Variants in SLC6A19 observed in about 807,000 individuals in gnomAD.
SLC6A19 encodes the protein sodium-dependent neutral amino acid transporter B(0)AT1.
SLC6A19 carries 67 observed loss-of-function variants against 68.3 expected under a neutral mutation model. The observed-to-expected ratio is 0.98, with a 90% CI of 0.81 to 1.20. The LOEUF is 1.20. Ranked by LOEUF, SLC6A19 falls within the 50% of genes most tolerant of loss-of-function variation. The pLI, the probability that SLC6A19 is intolerant of heterozygous loss-of-function variation, is 0.00. For synonymous variants in SLC6A19, 392 were observed against 374.9 expected (o/e 1.05, Z -0.53); for missense variants, 813 against 851.6 (o/e 0.95, Z 0.56).
chr5:1,215,436 A>G lies in SLC6A19; in HGVS notation c.888-1122A>G, dbSNP rs1008225968. ...CCCTGTCCTCCTGCCCCGGGTGAGCACTGATGCGCTCTCTGCCTCTGTGGC... is the reference window on the plus strand; with the variant it reads ...CCCTGTCCTCCTGCCCCGGGTGAGCGCTGATGCGCTCTCTGCCTCTGTGGC... On this transcript the variant is annotated intron_variant, in intron 6 of 11. Transcript: ENST00000304460. The surrounding 1 kb of genome is among the most constrained non-coding windows in gnomAD (Gnocchi z 5.1). Among the ~76,000 whole-genome samples the G allele has an allele frequency of 2.0e-5, 3 of 152,196 alleles. No individual in the cohort carries two copies. The highest frequency in any genetic ancestry group is 4.4e-5 in the Non-Finnish European group (3 of 68,028).
In SLC6A19 at chr5:1,213,658, A is replaced by G. The variant is rs562230973; in HGVS notation, c.774+85A>G. ...CCCGCCAGCCTCAATACCAGCTCTC[A>G]CCCACGGGGACAGGCAGCCTGCTGC... On this transcript the variant is annotated intron_variant, in intron 5 of 11. Transcript: ENST00000304460. 3.8e-6 allele frequency: 5 copies of G among 1,321,074 alleles called. No homozygotes were observed. In the South Asian group the frequency reaches 6.2e-5, roughly 16 times the overall value. The allele number at this position is 1,321,074 out of a possible 1,614,324, so 81.8% of individuals were successfully genotyped here.
At chr5:1,219,170 G>T (rs1394116573) in intron 9 of SLC6A19, 63 bp downstream of exon 9, 5 of 1,516,706 alleles carry the variant, frequency 3.3e-6, no homozygotes, top group Non-Finnish European at 4.5e-6. Context: ...GGCAGCCCCC[G>T]GCTGTGTGAA....
At position 1,201,779 on chromosome 5, in the gene SLC6A19, C is replaced by A. The variant is rs748780849; in HGVS notation, c.129C>A (p.Leu43=). ...PKWDNKAQYM[L]TCLGFCVGLG... is the part of the protein sequence containing the mutation. ...GGGACAACAAGGCGCAGTACATGCT[C>A]ACCTGCCTGGGCTTCTGCGTGGGCC... The change falls in exon 1 of 12, where the codon CTC becomes CTA. Residue 43 remains leucine (L), a synonymous_variant. Transcript: ENST00000304460. 1 of 1,612,820 alleles carries A rather than the reference C, an allele frequency of 6.2e-7. No homozygotes were observed. The highest frequency in any genetic ancestry group is 8.5e-7 in the Non-Finnish European group (1 of 1,179,904).
Position 1,209,035 on chromosome 5 carries a change from A to T in SLC6A19, c.343+149A>T, listed in dbSNP as rs1745940289. The T allele has an allele frequency of 1.8e-6, 2 of 1,098,634 alleles. No individual in the cohort carries two copies. Among genetic ancestry groups the T allele is most frequent in the African/African-American group, 1.9e-5 (1 of 53,002 alleles). 68.1% of individuals were successfully genotyped at this position (1,098,634 alleles called of 1,614,324 possible). A position where few individuals can be genotyped will look rare whatever the true frequency, so the allele number is the denominator to read the frequency against. The stretch of plus-strand genomic sequence containing the variant: ...CTGGTGCAACAAAGGTCCCAGCTTC[A>T]TCTCCTGGAGGCCTTTGGAAACTCC... On this transcript the variant is annotated intron_variant, in intron 2 of 11. Transcript: ENST00000304460. This position sits in a 1 kb window ranked among gnomAD's most constrained non-coding sequence, Gnocchi z 5.5.
chr5:1,215,691 G>C lies in SLC6A19; in HGVS notation c.888-867G>C, dbSNP rs536950712. On this transcript the variant is annotated intron_variant, in intron 6 of 11. Coordinates refer to ENST00000304460, the MANE Select transcript of SLC6A19 (RefSeq NM_001003841.3). This position sits in a 1 kb window ranked among gnomAD's most constrained non-coding sequence, Gnocchi z 5.1. The stretch of plus-strand genomic sequence containing the variant: ...TTTGGCTGTCATGAGTCATGCTGAC[G>C]TGAGCCTGTGTGTACGCGTTTTTGT... Among the ~76,000 whole-genome samples, 1 of 152,220 alleles carries C rather than the reference G, an allele frequency of 6.6e-6. No individual in the cohort carries two copies. The highest frequency in any genetic ancestry group is 2.1e-4 in the South Asian group (1 of 4,828).
At chr5:1,210,641 C>T (rs1179773493) in intron 3 of SLC6A19, 60 bp downstream of exon 3, 5 of 1,603,774 alleles carry the variant, frequency 3.1e-6, no homozygotes, top group Non-Finnish European at 4.2e-6. Flanking sequence ...TCTCTCATAG[C>T]AGGCACATGG....
chr5:1,218,050 T>A (rs1192714319), intron 8 of SLC6A19, among the ~76,000 whole-genome samples: 1 of 142,220 alleles, frequency 7.0e-6, no homozygotes, highest in African/African-American at 2.6e-5. Context: ...TCCTCCCGCC[T>A]CCTCCCACCT....
Position 1,212,560 on chromosome 5 carries a change from C to G in SLC6A19, c.663+76C>G. The stretch of plus-strand genomic sequence containing the variant: ...GCAGCCCTGCCTCCGGCCGGCTGCA[C>G]TCTAAAACCCAGGTCTGGGGGTCCC... On this transcript the variant is annotated intron_variant, in intron 4 of 11. Transcript: ENST00000304460. This position sits in a 1 kb window ranked among gnomAD's most constrained non-coding sequence, Gnocchi z 5.1. The G allele has an allele frequency of 6.4e-7, 1 of 1,572,750 alleles. No individual in the cohort carries two copies. Among genetic ancestry groups the G allele is most frequent in the Non-Finnish European group, 8.6e-7 (1 of 1,159,248 alleles).
At chr5:1,208,678 C>T in intron 1 of SLC6A19, 68 bp from the exon 2 acceptor site, 2 of 1,608,486 alleles carry the variant, frequency 1.2e-6, no homozygotes, top group South Asian at 2.2e-5. Context: ...TGAATGCCTG[C>T]TCCCGAGGGA....
At chr5:1,211,935 GTGTGTGCA>G (rs1324555930) in intron 3 of SLC6A19, among the ~76,000 whole-genome samples, 14 of 149,558 alleles carry the variant, frequency 9.4e-5, no homozygotes, top group Non-Finnish European at 8.9e-5. Flanking sequence ...ATGTGAGCAT[GTGTGTGCA>G]TGTGAGCATG....
rs1289292363 is a variant in SLC6A19 at position 1,214,428 on chromosome 5, A to G, written c.887+363A>G. 1.3e-5 allele frequency among the ~76,000 whole-genome samples: 2 copies of G among 151,768 alleles called. No homozygotes were observed. The highest frequency in any genetic ancestry group is 4.8e-5 in the African/African-American group (2 of 41,292). On this transcript the variant is annotated intron_variant, in intron 6 of 11. Coordinates refer to ENST00000304460, the MANE Select transcript of SLC6A19 (RefSeq NM_001003841.3). The surrounding 1 kb of genome is among the most constrained non-coding windows in gnomAD (Gnocchi z 7.4). ...GGCCCCCAGACATGTGGCGCCCCCGACGCCCTCCACGTCCCCGACCAAGGT... is the reference window on the plus strand; with the variant it reads ...GGCCCCCAGACATGTGGCGCCCCCGGCGCCCTCCACGTCCCCGACCAAGGT...
At position 1,212,227 on chromosome 5, in the gene SLC6A19, C is replaced by T. The variant is rs2126502730; in HGVS notation, c.482-76C>T. ...GGCCTCTGGAACGTGGCTGGCATTT[C>T]TTCCAGCTCAGGGCCTTCCATTCTC... On this transcript the variant is annotated intron_variant, in intron 3 of 11. Transcript: ENST00000304460. The surrounding 1 kb of genome is among the most constrained non-coding windows in gnomAD (Gnocchi z 5.1). 6.3e-7 allele frequency: 1 copy of T among 1,587,396 alleles called. No individual in the cohort carries two copies. Among genetic ancestry groups the T allele is most frequent in the South Asian group, 1.1e-5 (1 of 90,240 alleles).
chr5:1,203,074 C>T (rs72709403), intron 1 of SLC6A19, among the ~76,000 whole-genome samples: 12,448 of 152,164 alleles, frequency 0.082, 604 homozygotes, highest in Non-Finnish European at 0.11. Flanking sequence ...AGGATCCCTG[C>T]GCTCACCCAC....
rs1304989544 is a variant in SLC6A19, at chr5:1,216,921, C to A, written c.1149C>A (p.Cys383Ter). The change falls in exon 8 of 12, where the codon TGC becomes TGA. Residue 383 changes from cysteine (C) to a stop codon, truncating the protein, a stop_gained. Transcript: ENST00000304460. LOFTEE classifies it high-confidence loss of function. Reference protein sequence around the residue: ...AAYAQLVFQTCDINAFLSEAV... With the variant: ...AAYAQLVFQT ...ACGCGCAGCTGGTGTTCCAGACCTG[C>A]GACATCAACGCCTTCCTCTCAGAGG... is the stretch of plus-strand genomic sequence containing the variant. 6 of 1,613,140 alleles carry A rather than the reference C, an allele frequency of 3.7e-6. No homozygotes were observed. Among genetic ancestry groups the A allele is most frequent in the African/African-American group, 1.3e-5 (1 of 74,948 alleles).
chr5:1,212,346 C>G lies in SLC6A19; in HGVS notation c.525C>G (p.Phe175Leu). The G allele has an allele frequency of 6.2e-7, 1 of 1,613,696 alleles. No homozygotes were observed. Among genetic ancestry groups the G allele is most frequent in the Non-Finnish European group, 8.5e-7 (1 of 1,179,956 alleles). The change falls in exon 4 of 12, where the codon TTC becomes TTG. Residue 175 changes from phenylalanine (F) to leucine (L), a missense_variant. Coordinates refer to ENST00000304460, the MANE Select transcript of SLC6A19 (RefSeq NM_001003841.3). The surrounding 1 kb of genome is among the most constrained non-coding windows in gnomAD (Gnocchi z 5.1). The part of the protein sequence containing the change: ...ECARSSPVDY[F>L]WYRETLNIST... ...CCAGGAGCTCCCCTGTGGACTACTT[C>G]TGGTACCGAGAGACGCTCAACATCT... is the stretch of plus-strand genomic sequence containing the variant.
At chr5:1,206,196 G>A (rs1220598420) in intron 1 of SLC6A19, among the ~76,000 whole-genome samples, 1 of 152,036 alleles carries the variant, frequency 6.6e-6, no homozygotes, top group Non-Finnish European at 1.5e-5. Flanking sequence ...GCCAAGTGAG[G>A]AAGTCACAGC....
intron 2 of SLC6A19, 99 bp downstream of exon 2, chr5:1,208,985 C>A: frequency 7.0e-7 from 1 of 1,429,666 alleles, no homozygotes; most frequent in Non-Finnish European, 9.4e-7. Flanking sequence ...CCTCGGTGCC[C>A]CTGCTCTGCC....
chr5:1,213,655 C>G, intron 5 of SLC6A19, 82 bp downstream of exon 5: 7 of 1,356,690 alleles, frequency 5.2e-6, no homozygotes, highest in Non-Finnish European at 7.2e-6. Flanking sequence ...AATACCAGCT[C>G]TCACCCACGG....
chr5:1,221,654 C>A, intron 11 of SLC6A19, 47 bp from the exon 12 acceptor site: 1 of 1,609,938 alleles, frequency 6.2e-7, no homozygotes, highest in Admixed American at 1.7e-5. Context: ...AAAGTGAACC[C>A]CACTGGCTCC....
Sources: gnomAD v4.1 joint callset for allele counts (sites outside exome capture counted in the v4.1 genomes callset) on GRCh38, gnomAD v4.1.1 for gene constraint, Gnocchi (gnomAD v3.1) non-coding constraint, MANE v1.5 for transcripts, NCBI Gene and HGNC (gene_info 2026-07-23, HGNC 2026-07-21) for gene names.